The following STK32C variants were observed in gnomAD, a reference collection of about 807,000 sequenced individuals.
STK32C encodes the protein serine/threonine-protein kinase 32C.
Under a neutral mutation model 56.5 loss-of-function variants are expected in STK32C, and 31 were observed. The observed-to-expected ratio is 0.55, with a 90% CI of 0.41 to 0.74. The LOEUF is 0.74. Ranked by LOEUF, STK32C falls within the 30% of genes least tolerant of loss-of-function variation. The pLI, the probability that STK32C is intolerant of heterozygous loss-of-function variation, is 0.00. For missense variants in STK32C, 544 were observed against 676.9 expected (o/e 0.80, Z 2.18); for synonymous variants, 309 against 289.4 (o/e 1.07, Z -0.69).
At chr10:132,286,684 C>A (rs1463766057) in intron 1 of STK32C, among the ~76,000 whole-genome samples, 2 of 152,148 alleles carry the variant, frequency 1.3e-5, no homozygotes, top group African/African-American at 4.8e-5. Context: ...AAGCATTTGA[C>A]AAAATTCAAC....
At chr10:132,253,498 C>CA (rs1379541181) in intron 1 of STK32C, among the ~76,000 whole-genome samples, 134 of 80,824 alleles carry the variant, frequency 1.7e-3, no homozygotes, top group East Asian at 3.8e-3. Flanking sequence ...TGGAGGGAGT[C>CA]GAGGGAGCTG....
At chr10:132,242,935 G>A (rs1590234547) in intron 2 of STK32C, among the ~76,000 whole-genome samples, 1 of 152,168 alleles carries the variant, frequency 6.6e-6, no homozygotes, top group African/African-American at 2.4e-5. Flanking sequence ...GGGAACCACA[G>A]ACCGGAAAGG....
At chr10:132,237,830 T>C (rs970295033) in intron 2 of STK32C, among the ~76,000 whole-genome samples, 1 of 152,200 alleles carries the variant, frequency 6.6e-6, no homozygotes, top group Non-Finnish European at 1.5e-5. Context: ...AGGATCCCCC[T>C]TTCCCGACCA....
chr10:132,244,340 C>T (rs2137913604), intron 2 of STK32C, among the ~76,000 whole-genome samples: 1 of 152,350 alleles, frequency 6.6e-6, no homozygotes, highest in South Asian at 2.1e-4. Flanking sequence ...GTTTCCGAGC[C>T]TCTTAAGGAC....
At chr10:132,331,200 CAAAAAA>C (rs35734065) in intron 1 of STK32C, among the ~76,000 whole-genome samples, 3 of 56,304 alleles carry the variant, frequency 5.3e-5, no homozygotes, top group Non-Finnish European at 9.7e-5. Context: ...GACTCCACCT[CAAAAAA>C]AAAAAAAAAA....
chr10:132,276,247 T>C (rs951291908), intron 1 of STK32C, among the ~76,000 whole-genome samples: 5 of 152,058 alleles, frequency 3.3e-5, no homozygotes, highest in African/African-American at 7.2e-5. Flanking sequence ...TGCAGAAAAG[T>C]GAGCTTTCAG....
At chr10:132,225,483 C>G (rs747087406) in intron 6 of STK32C, 44 bp downstream of exon 6, 45 of 1,611,292 alleles carry the variant, frequency 2.8e-5, no homozygotes, top group African/African-American at 9.3e-5. Context: ...TCCTTCCCAC[C>G]TGGAGGAAGC....
At chr10:132,256,437 C>T (rs564507812) in intron 1 of STK32C, among the ~76,000 whole-genome samples, 1 of 152,294 alleles carries the variant, frequency 6.6e-6, no homozygotes, top group Non-Finnish European at 1.5e-5. Flanking sequence ...AATCATGTTC[C>T]GGTGTTTAAT....
intron 1 of STK32C, among the ~76,000 whole-genome samples, chr10:132,318,805 A>C (rs1056989779): frequency 4.4e-4 from 67 of 151,656 alleles, no homozygotes; most frequent in Admixed American, 1.3e-4. Flanking sequence ...ACCTCTGAAG[A>C]AGCAAGTAAA....
chr10:132,239,064 G>GCA (rs2063406358), intron 2 of STK32C, among the ~76,000 whole-genome samples: 1 of 152,192 alleles, frequency 6.6e-6, no homozygotes, highest in Admixed American at 6.5e-5. Flanking sequence ...AGATCACACT[G>GCA]CACTTAACCA....
rs188378096 is a variant in STK32C at position 132,216,395 on chromosome 10, C to T, written c.1251+6246G>A. Among the ~76,000 whole-genome samples the T allele has an allele frequency of 5.3e-3, 778 of 147,708 alleles. 2 individuals are homozygous for T. Among genetic ancestry groups the T allele is most frequent in the Non-Finnish European group, 7.9e-3 (532 of 67,492 alleles). On this transcript the variant is annotated intron_variant, in intron 10 of 11. Transcript: ENST00000298630. ...AGGAGAATCACTTGAACTTAGGAAG[C>T]GGAGGTTGCAGTGGCAATGAGCCGC...
intron 2 of STK32C, among the ~76,000 whole-genome samples, chr10:132,243,934 A>T (rs1258965781): frequency 6.6e-6 from 1 of 152,136 alleles, no homozygotes; most frequent in Non-Finnish European, 1.5e-5. Context: ...GCCTGGGCCC[A>T]CCACCACCTG....
At chr10:132,279,912 T>A (rs1564771702) in intron 1 of STK32C, among the ~76,000 whole-genome samples, 1 of 135,184 alleles carries the variant, frequency 7.4e-6, no homozygotes, top group Non-Finnish European at 1.6e-5. Context: ...GCCCCTACAC[T>A]CCGTGATCAC....
At chr10:132,238,668 AGT>A (rs1251524644) in intron 2 of STK32C, among the ~76,000 whole-genome samples, 1 of 152,142 alleles carries the variant, frequency 6.6e-6, no homozygotes, top group Non-Finnish European at 1.5e-5. Flanking sequence ...ACCAAAGGCA[AGT>A]GTTTCTGATC....
chr10:132,224,857 C>T (rs761558728), intron 7 of STK32C, among the ~76,000 whole-genome samples: 15 of 152,132 alleles, frequency 9.9e-5, no homozygotes, highest in Non-Finnish European at 1.9e-4. Context: ...CACAAGAGGA[C>T]CCCCAGCCTC....
At chr10:132,270,777 G>C (rs1173386158) in intron 1 of STK32C, among the ~76,000 whole-genome samples, 1 of 152,162 alleles carries the variant, frequency 6.6e-6, no homozygotes, top group East Asian at 1.9e-4. Flanking sequence ...ACATCACCCT[G>C]GACTCAGAGC....
chr10:132,225,665 C>T (rs372041069), intron 5 of STK32C, 49 bp from the exon 6 acceptor site: 2 of 1,609,120 alleles, frequency 1.2e-6, no homozygotes, highest in Non-Finnish European at 1.7e-6. Context: ...AGAGATGCAT[C>T]CTTGCGTGCA....
chr10:132,282,220 C>T (rs1468358611), intron 1 of STK32C, among the ~76,000 whole-genome samples: 1 of 152,194 alleles, frequency 6.6e-6, no homozygotes, highest in Non-Finnish European at 1.5e-5. Context: ...GCACCACGCC[C>T]GAGAGGCTTC....
chr10:132,270,552 CG>C (rs2064782416), intron 1 of STK32C, among the ~76,000 whole-genome samples: 1 of 152,196 alleles, frequency 6.6e-6, no homozygotes, highest in African/African-American at 2.4e-5. Flanking sequence ...AGGGTATGGC[CG>C]TGAGTTACGG....
Sources: gnomAD v4.1 joint callset for allele counts (sites outside exome capture counted in the v4.1 genomes callset) on GRCh38, gnomAD v4.1.1 for gene constraint, MANE v1.5 for transcripts, NCBI Gene and HGNC (gene_info 2026-07-23, HGNC 2026-07-21) for gene names.